PGCKA1: variants seen among roughly 807,000 people sequenced by gnomAD.
PGCKA1 encodes the protein PDCD10 and GCKIII kinases-associated protein 1.
chr4:37,566,772 G>C, the PGCKA1 span, among the ~76,000 whole-genome samples: 13 of 151,922 alleles, frequency 8.6e-5, no homozygotes, highest in East Asian at 2.5e-3. Context: ...GTAGAGATAG[G>C]GTTCCACCAT....
chr4:37,489,745 A>G, the PGCKA1 span, among the ~76,000 whole-genome samples: 1 of 152,270 alleles, frequency 6.6e-6, no homozygotes, highest in African/African-American at 2.4e-5. Context: ...CAAAAAATAA[A>G]TAAGTTTCCC....
At chr4:37,462,374 C>T in the PGCKA1 span, among the ~76,000 whole-genome samples, 1 of 152,174 alleles carries the variant, frequency 6.6e-6, no homozygotes, top group African/African-American at 2.4e-5. Flanking sequence ...TCTATCTGTC[C>T]AACTAAAGCA....
the PGCKA1 span, among the ~76,000 whole-genome samples, chr4:37,582,406 G>A: frequency 3.9e-5 from 6 of 152,076 alleles, no homozygotes; most frequent in Non-Finnish European, 5.9e-5. Flanking sequence ...TCAAAAGCAG[G>A]TAATTCACAT....
At chr4:37,501,425 C>T in the PGCKA1 span, among the ~76,000 whole-genome samples, 987 of 152,138 alleles carry the variant, frequency 6.5e-3, 23 homozygotes, top group East Asian at 0.074. Context: ...TTTTGAGAAT[C>T]TAACTAATGC....
At chr4:37,531,282 A>T in the PGCKA1 span, among the ~76,000 whole-genome samples, 1 of 152,214 alleles carries the variant, frequency 6.6e-6, no homozygotes, top group South Asian at 2.1e-4. Context: ...TGGTAAAGAC[A>T]TTTTTTTCCC....
the PGCKA1 span, among the ~76,000 whole-genome samples, chr4:37,571,140 G>T: frequency 1.3e-5 from 2 of 152,084 alleles, no homozygotes; most frequent in African/African-American, 4.8e-5. Flanking sequence ...TGTGTAGTAG[G>T]GAAGGCAGAC....
the PGCKA1 span, among the ~76,000 whole-genome samples, chr4:37,549,003 C>T: frequency 6.6e-6 from 1 of 152,200 alleles, no homozygotes; most frequent in Admixed American, 6.5e-5. Context: ...CAGGATTCTA[C>T]AGCCTGGAGT....
chr4:37,584,519 G>A, the PGCKA1 span: 2 of 152,270 alleles, frequency 1.3e-5, no homozygotes, highest in African/African-American at 4.8e-5. Flanking sequence ...TGTGCAGCTT[G>A]GAAGAACAGT....
chr4:37,499,918 C>CTTTT, the PGCKA1 span, among the ~76,000 whole-genome samples: 2,225 of 79,210 alleles, frequency 0.028, 295 homozygotes, highest in African/African-American at 0.088. Flanking sequence ...GTCTTCCTAA[C>CTTTT]TTTTTTTTTT....
the PGCKA1 span, among the ~76,000 whole-genome samples, chr4:37,466,414 T>C: frequency 6.6e-6 from 1 of 152,150 alleles, no homozygotes; most frequent in Non-Finnish European, 1.5e-5. Flanking sequence ...TGACATACCA[T>C]AAATTAGCAA....
At chr4:37,587,836 GC>G in the PGCKA1 span, among the ~76,000 whole-genome samples, 1 of 152,020 alleles carries the variant, frequency 6.6e-6, no homozygotes, top group Non-Finnish European at 1.5e-5. Context: ...AGGCATGGTG[GC>G]ACCCGCCTGT....
the PGCKA1 span, among the ~76,000 whole-genome samples, chr4:37,569,400 T>C: frequency 6.6e-6 from 1 of 151,922 alleles, no homozygotes; most frequent in Non-Finnish European, 1.5e-5. Context: ...GGTTTCACCA[T>C]GTTAGCCAGG....
chr4:37,533,831 G>A, the PGCKA1 span, among the ~76,000 whole-genome samples: 4 of 152,256 alleles, frequency 2.6e-5, no homozygotes, highest in Non-Finnish European at 5.9e-5. Flanking sequence ...CCTTAGGGAA[G>A]TAAGTGGATT....
the PGCKA1 span, among the ~76,000 whole-genome samples, chr4:37,525,827 A>T: frequency 6.6e-6 from 1 of 152,140 alleles, no homozygotes; most frequent in Admixed American, 6.6e-5. Flanking sequence ...TGTTTTTAGA[A>T]TTTATTTTTC....
the PGCKA1 span, among the ~76,000 whole-genome samples, chr4:37,577,728 A>G: frequency 2.6e-5 from 4 of 152,072 alleles, no homozygotes; most frequent in African/African-American, 9.7e-5. Context: ...TGGATCCCAT[A>G]GATTTTGGTC....
chr4:37,502,347 C>T, the PGCKA1 span, among the ~76,000 whole-genome samples: 1 of 152,200 alleles, frequency 6.6e-6, no homozygotes, highest in African/African-American at 2.4e-5. Flanking sequence ...GGTGGAGGCC[C>T]CCCAGTTGGC....
At chr4:37,470,688 A>C in the PGCKA1 span, among the ~76,000 whole-genome samples, 1 of 152,230 alleles carries the variant, frequency 6.6e-6, no homozygotes, top group African/African-American at 2.4e-5. Flanking sequence ...TTCTCTAGTT[A>C]TAAATTATCA....
At chr4:37,493,404 A>G in the PGCKA1 span, among the ~76,000 whole-genome samples, 1 of 152,224 alleles carries the variant, frequency 6.6e-6, no homozygotes, top group African/African-American at 2.4e-5. Context: ...ATGACGTATT[A>G]GTTTTATGAT....
chr4:37,507,070 A>T, the PGCKA1 span, among the ~76,000 whole-genome samples: 35 of 151,900 alleles, frequency 2.3e-4, no homozygotes, highest in South Asian at 7.3e-3. Context: ...TTGTCTTGAG[A>T]TCTATTTTGT....
Sources: allele counts gnomAD v4.1 joint callset (sites outside exome capture counted in the v4.1 genomes callset), GRCh38; gene constraint gnomAD v4.1.1; transcripts MANE v1.5; gene names NCBI Gene and HGNC (gene_info 2026-07-23, HGNC 2026-07-21).